Variants in EGF observed in about 807,000 individuals in gnomAD.
EGF encodes the protein epidermal growth factor.
EGF carries 95 observed loss-of-function variants against 143.8 expected under a neutral mutation model. The ratio of observed to expected loss-of-function variants is 0.66; its 90% CI spans 0.56 to 0.78. EGF has a LOEUF of 0.78. EGF is among the 30% of genes least tolerant of loss of function. The pLI is 0.00. For missense variants in EGF, 1,320 were observed against 1,470.9 expected (o/e 0.90, Z 1.68); for synonymous variants, 510 against 510.5 (o/e 1.00, Z 0.01).
At chr4:109,960,321 G>A (rs2126055921) in intron 6 of EGF, among the ~76,000 whole-genome samples, 1 of 152,220 alleles carries the variant, frequency 6.6e-6, no homozygotes, top group Non-Finnish European at 1.5e-5. Flanking sequence ...TTTTCCCAAG[G>A]GTTATTCTAA....
Position 109,944,006 on chromosome 4 carries a change from A to T in EGF, c.674A>T (p.Asn225Ile), listed in dbSNP as rs772229546. 1 of 1,614,204 alleles carries T rather than the reference A, an allele frequency of 6.2e-7. No individual in the cohort carries two copies. Among genetic ancestry groups the T allele is most frequent in the South Asian group, 1.1e-5 (1 of 91,086 alleles). The change falls in exon 4 of 24, where the codon AAT becomes ATT. Residue 225 changes from asparagine (N) to isoleucine (I), a missense_variant. Around this residue, in one of 5 missense-constraint regions of EGF, gnomAD observed 1,186 missense variants for 1,313.7 expected, o/e 0.90. Transcript: ENST00000265171. ...ATTCAGTACAACAGAGAAGGAAGCA[A>T]TTCTCTTATTTGCTCCTGTGATTAT... ...FWIQYNREGS[N>I]SLICSCDYDG...
At chr4:110,008,361 A>G in intron 23 of EGF, 131 bp downstream of exon 23, 1 of 1,161,152 alleles carries the variant, frequency 8.6e-7, no homozygotes, top group Non-Finnish European at 1.3e-6. Context: ...AGCTATGTGA[A>G]TAGCTGGGCT....
In EGF at chr4:109,966,037, A is replaced by T. The variant is rs575289504; in HGVS notation, c.1575+1500A>T. On this transcript the variant is annotated intron_variant, in intron 10 of 23. Coordinates refer to ENST00000265171, the MANE Select transcript of EGF (RefSeq NM_001963.6). ...TATCAACTGACCCATATCTTTAAAA[A>T]AATATATATATATATACATTTTAAA... Among the ~76,000 whole-genome samples, 399 of 151,532 alleles carry T rather than the reference A, an allele frequency of 2.6e-3. 3 individuals are homozygous for T. Among genetic ancestry groups the T allele is most frequent in the African/African-American group, 8.3e-3 (345 of 41,360 alleles).
At chr4:109,969,268 A>G in intron 11 of EGF, 149 bp downstream of exon 11, 2 of 958,232 alleles carry the variant, frequency 2.1e-6, no homozygotes, top group Non-Finnish European at 3.2e-6. Context: ...TGCGGTCCAC[A>G]CTCCCTCCAC....
In EGF at chr4:109,945,065, C is replaced by G. The variant is rs765524556; in HGVS notation, c.738-8C>G. 1 of 1,613,784 alleles carries G rather than the reference C, an allele frequency of 6.2e-7. No individual in the cohort carries two copies. Among genetic ancestry groups the G allele is most frequent in the Non-Finnish European group, 8.5e-7 (1 of 1,179,910 alleles). ...GTTGTTCTTTTTTCTTTTGTGGTTG[C>G]TTTTTAGGCATAATTTGTTTGCAAT... On this transcript the variant is annotated splice_polypyrimidine_tract_variant and splice_region_variant and intron_variant, in intron 4 of 23. Transcript: ENST00000265171.
chr4:109,914,917 T>A (rs1736354896), intron 1 of EGF, among the ~76,000 whole-genome samples: 1 of 152,114 alleles, frequency 6.6e-6, no homozygotes, highest in African/African-American at 2.4e-5. Flanking sequence ...TTGCATGGGA[T>A]GTGAGGGGTG....
At chr4:109,961,103 C>T (rs995498063) in intron 7 of EGF, 114 bp downstream of exon 7, 18 of 1,227,798 alleles carry the variant, frequency 1.5e-5, no homozygotes, top group Non-Finnish European at 2.1e-5. Context: ...ATCATAATTA[C>T]CTTTGAGTTT....
At chr4:109,940,817 CTT>C in intron 1 of EGF, 127 bp from the exon 2 acceptor site, 2 of 953,336 alleles carry the variant, frequency 2.1e-6, no homozygotes, top group East Asian at 2.6e-5. Flanking sequence ...TATAAATAGA[CTT>C]TATTTTAAAC....
chr4:110,011,063 G>T, intron 23 of EGF, 139 bp from the exon 24 acceptor site: 1 of 928,194 alleles, frequency 1.1e-6, no homozygotes, highest in Non-Finnish European at 1.6e-6. Context: ...AGAAAAAAAT[G>T]TGTCTAGAGT....
At chr4:109,924,489 T>A (rs1223478010) in intron 1 of EGF, among the ~76,000 whole-genome samples, 1 of 151,770 alleles carries the variant, frequency 6.6e-6, no homozygotes, top group Non-Finnish European at 1.5e-5. Context: ...CAGCAAGTAT[T>A]TATTGGATGC....
chr4:110,003,035 G>T (rs77155167), intron 21 of EGF, among the ~76,000 whole-genome samples: 1 of 152,184 alleles, frequency 6.6e-6, no homozygotes, highest in Admixed American at 6.5e-5. Context: ...TGGTGTGTAT[G>T]TGCCATATTT....
intron 5 of EGF, 23 bp from the exon 6 acceptor site, chr4:109,959,289 A>G: frequency 6.2e-7 from 1 of 1,613,738 alleles, no homozygotes; most frequent in Non-Finnish European, 8.5e-7. Context: ...GCCCCACTCC[A>G]AATAAAGCAT....
At chr4:109,917,661 C>T (rs571580532) in intron 1 of EGF, among the ~76,000 whole-genome samples, 40 of 152,204 alleles carry the variant, frequency 2.6e-4, no homozygotes, top group South Asian at 6.2e-4. Context: ...TGCTCTGTCG[C>T]CCAGGCTGGA....
intron 1 of EGF, among the ~76,000 whole-genome samples, chr4:109,921,950 C>T (rs1420161073): frequency 4.0e-5 from 6 of 151,550 alleles, no homozygotes; most frequent in Admixed American, 3.9e-4. Context: ...GCTCTTCCAG[C>T]CCAGGCCTTC....
intron 23 of EGF, 36 bp from the exon 24 acceptor site, chr4:110,011,166 A>T: frequency 6.2e-7 from 1 of 1,611,258 alleles, no homozygotes; most frequent in Non-Finnish European, 8.5e-7. Context: ...ATTGTTAATG[A>T]TATGAATATT....
chr4:110,010,154 G>A, intron 23 of EGF, among the ~76,000 whole-genome samples: 1 of 152,180 alleles, frequency 6.6e-6, no homozygotes, highest in Admixed American at 6.5e-5. Context: ...AGCTACTCAG[G>A]AGGCTGAGGT....
At chr4:110,011,086 G>T (rs1753935816) in intron 23 of EGF, 116 bp from the exon 24 acceptor site, 2 of 1,229,754 alleles carry the variant, frequency 1.6e-6, no homozygotes, top group Middle Eastern at 2.4e-4. Flanking sequence ...TTTGAAAATG[G>T]GTTATCTTTG....
rs1742363368 is a variant in EGF at position 109,943,929 on chromosome 4, A to G, written c.597A>G (p.Ser199=). Residue 199 remains serine, a synonymous_variant, in exon 4 of 24, where the codon TCA becomes TCG. Coordinates refer to ENST00000265171, the MANE Select transcript of EGF (RefSeq NM_001963.6). The stretch of plus-strand genomic sequence containing the variant: ...GAGTGAAGGCTCTGTTGGAGACATC[A>G]GAGAAAATAACAGCTGTGTCATTGG... The part of the protein sequence containing the change: ...GVGVKALLET[S]EKITAVSLDV... The G allele has an allele frequency of 5.0e-6, 8 of 1,614,216 alleles. No individual in the cohort carries two copies. The highest frequency in any genetic ancestry group is 6.8e-6 in the Non-Finnish European group (8 of 1,180,030).
Position 109,983,466 on chromosome 4 carries a change from T to G in EGF, c.2416T>G (p.Leu806Val). 7 of 1,613,426 alleles carry G rather than the reference T, an allele frequency of 4.3e-6. No individual in the cohort carries two copies. The highest frequency in any genetic ancestry group is 5.9e-6 in the Non-Finnish European group (7 of 1,179,472). The change falls in exon 16 of 24, where the codon TTG (leucine) becomes GTG (valine). Residue 806 changes from leucine to valine, a missense_variant. By Grantham distance (32) the Leu-to-Val change is conservative (BLOSUM62 1). This residue lies in a region of EGF where 1,186 missense variants were observed against 1,313.7 expected (regional missense o/e 0.90). Coordinates refer to ENST00000265171, the MANE Select transcript of EGF (RefSeq NM_001963.6). ...GAACCAAGTAACACCATTGGACATC[T>G]TGTCCAAGACTAGAGTGTCAGAAGA... The part of the protein sequence containing the change: ...LKNQVTPLDI[L>V]SKTRVSEDNI...
Sources: allele counts gnomAD v4.1 joint callset (sites outside exome capture counted in the v4.1 genomes callset), GRCh38; gene constraint gnomAD v4.1.1; regional missense constraint gnomAD v4.1.1; transcripts MANE v1.5; gene names NCBI Gene and HGNC (gene_info 2026-07-23, HGNC 2026-07-21).